The following B3GALT1 variants were observed in gnomAD, a reference collection of about 807,000 sequenced individuals.
B3GALT1 encodes the protein beta-1,3-galactosyltransferase 1.
A neutral mutation model predicts 23.2 loss-of-function variants in B3GALT1; 10 were observed. The observed-to-expected ratio is 0.43, with a 90% CI of 0.27 to 0.73. The LOEUF is 0.73. B3GALT1 is among the 30% of genes least tolerant of loss of function. The pLI is 0.21. For synonymous variants in B3GALT1, 156 were observed against 141.5 expected, an observed-to-expected ratio of 1.10 and a Z score of -0.73; for missense variants, 299 against 405.4, an observed-to-expected ratio of 0.74 and a Z score of 2.25.
intron 3 of B3GALT1, among the ~76,000 whole-genome samples, chr2:167,684,044 T>TG (rs2105495332): frequency 6.6e-6 from 1 of 152,292 alleles, no homozygotes; most frequent in South Asian, 2.1e-4. Context: ...ACTACCTAGG[T>TG]TAATCGACAC....
At chr2:167,679,572 C>A (rs940993493) in intron 3 of B3GALT1, among the ~76,000 whole-genome samples, 1 of 152,174 alleles carries the variant, frequency 6.6e-6, no homozygotes, top group African/African-American at 2.4e-5. Flanking sequence ...GTTCTTAATT[C>A]GGAACATTGT....
chr2:167,445,763 A>C (rs191619897), intron 1 of B3GALT1, among the ~76,000 whole-genome samples: 1 of 152,218 alleles, frequency 6.6e-6, no homozygotes, highest in Non-Finnish European at 1.5e-5. Context: ...GTGTCTCTGC[A>C]CGTGAGATGG....
chr2:167,762,036 C>T (rs1016731991), intron 3 of B3GALT1, among the ~76,000 whole-genome samples: 6 of 152,096 alleles, frequency 3.9e-5, no homozygotes, highest in South Asian at 2.1e-4. Context: ...TGGAAATTAT[C>T]GGAGGGTGTA....
intron 3 of B3GALT1, among the ~76,000 whole-genome samples, chr2:167,757,055 G>A (rs890092196): frequency 5.3e-5 from 8 of 152,096 alleles, no homozygotes; most frequent in Non-Finnish European, 1.2e-4. Context: ...ATTCTCTCAA[G>A]CATCCTTCTC....
chr2:167,602,841 T>C (rs933543127), intron 2 of B3GALT1, among the ~76,000 whole-genome samples: 6 of 152,162 alleles, frequency 3.9e-5, no homozygotes, highest in African/African-American at 1.4e-4. Flanking sequence ...TTTTTAGAGA[T>C]GGCTATTTAG....
intron 1 of B3GALT1, among the ~76,000 whole-genome samples, chr2:167,443,984 G>A (rs781647391): frequency 1.3e-5 from 2 of 152,176 alleles, no homozygotes; most frequent in African/African-American, 4.8e-5. Context: ...TGCCCATTCA[G>A]TATGATATTG....
chr2:167,367,053 T>C (rs905123274), intron 1 of B3GALT1, among the ~76,000 whole-genome samples: 2 of 152,176 alleles, frequency 1.3e-5, no homozygotes, highest in Admixed American at 6.5e-5. Flanking sequence ...GCATAAATCA[T>C]AGGTGGTATG....
Position 167,320,244 on chromosome 2 carries a change from C to A in B3GALT1, c.-511+26910C>A, listed in dbSNP as rs537920551. On this transcript the variant is annotated intron_variant, in intron 1 of 4. Transcript: ENST00000392690. ...TTGCTCTATCACCCAGCCTAGAATG[C>A]AGTGACATGATCTTGGCTCACTGCA... Among the ~76,000 whole-genome samples, 58 of 150,280 alleles carry A rather than the reference C, an allele frequency of 3.9e-4. 1 individual carries two copies. Among genetic ancestry groups the A allele is most frequent in the Non-Finnish European group, 6.5e-4 (44 of 67,738 alleles).
intron 1 of B3GALT1, among the ~76,000 whole-genome samples, chr2:167,335,527 A>G (rs2105243152): frequency 6.6e-6 from 1 of 152,326 alleles, no homozygotes; most frequent in Admixed American, 6.5e-5. Context: ...TATGCTAAAC[A>G]AGGGGTGGAT....
chr2:167,451,485 C>T (rs529582700), intron 1 of B3GALT1, among the ~76,000 whole-genome samples: 1 of 152,296 alleles, frequency 6.6e-6, no homozygotes, highest in East Asian at 1.9e-4. Context: ...CGCCATTCAG[C>T]AAGGCTGCCA....
At chr2:167,417,702 C>T (rs1359985623) in intron 1 of B3GALT1, among the ~76,000 whole-genome samples, 5 of 152,290 alleles carry the variant, frequency 3.3e-5, no homozygotes, top group African/African-American at 9.6e-5. Context: ...GGTTAGTCTA[C>T]GAGTGAATAG....
At chr2:167,460,506 T>C (rs1045113696) in intron 1 of B3GALT1, among the ~76,000 whole-genome samples, 1 of 152,166 alleles carries the variant, frequency 6.6e-6, no homozygotes, top group Non-Finnish European at 1.5e-5. Flanking sequence ...TCATACATGA[T>C]TTTCGTGATT....
intron 3 of B3GALT1, among the ~76,000 whole-genome samples, chr2:167,749,428 A>C (rs962472992): frequency 1.3e-5 from 2 of 152,152 alleles, no homozygotes; most frequent in African/African-American, 4.8e-5. Context: ...CCATGTTCCA[A>C]CTGACTTCCT....
intron 1 of B3GALT1, among the ~76,000 whole-genome samples, chr2:167,303,071 A>C (rs1696475825): frequency 6.6e-6 from 1 of 152,244 alleles, no homozygotes; most frequent in Admixed American, 6.5e-5. Context: ...TGAGCAAATA[A>C]TAAAAATATT....
At chr2:167,843,670 A>T (rs963849667) in intron 4 of B3GALT1, among the ~76,000 whole-genome samples, 1 of 152,142 alleles carries the variant, frequency 6.6e-6, no homozygotes, top group Non-Finnish European at 1.5e-5. Flanking sequence ...ATCACATACT[A>T]TTGTCATCCT....
At position 167,870,147 on chromosome 2, in the gene B3GALT1, A is replaced by T; in HGVS notation, c.*127A>T. 9.9e-7 allele frequency: 1 copy of T among 1,006,014 alleles called. No individual in the cohort carries two copies. The highest frequency in any genetic ancestry group is 1.4e-6 in the Non-Finnish European group (1 of 705,340). 62.3% of individuals were successfully genotyped at this position (1,006,014 alleles called of 1,614,324 possible). The stretch of plus-strand genomic sequence containing the variant: ...TTTTGTAAAGTTTTTGCTTCCTGCT[A>T]TAAGTTCTTTTCTTGGATTACCAAT... On this transcript the variant is annotated 3_prime_UTR_variant, in exon 5 of 5. Transcript: ENST00000392690.
At chr2:167,735,912 G>A (rs1687484824) in intron 3 of B3GALT1, among the ~76,000 whole-genome samples, 1 of 152,204 alleles carries the variant, frequency 6.6e-6, no homozygotes, top group African/African-American at 2.4e-5. Context: ...GGAAGAGGAA[G>A]AGAAGAGAAG....
intron 3 of B3GALT1, among the ~76,000 whole-genome samples, chr2:167,787,166 G>A (rs2105325376): frequency 6.6e-6 from 1 of 152,268 alleles, no homozygotes; most frequent in East Asian, 1.9e-4. Flanking sequence ...AGACTTTGGA[G>A]CCAGCATGGG....
chr2:167,773,212 C>G (rs531635522), intron 3 of B3GALT1, among the ~76,000 whole-genome samples: 1 of 151,854 alleles, frequency 6.6e-6, no homozygotes, highest in African/African-American at 2.4e-5. Context: ...AATTTTAGAA[C>G]GAGATAATTT....
Sources: allele counts gnomAD v4.1 joint callset (sites outside exome capture counted in the v4.1 genomes callset), GRCh38; gene constraint gnomAD v4.1.1; transcripts MANE v1.5; gene names NCBI Gene and HGNC (gene_info 2026-07-23, HGNC 2026-07-21).